The following MGAT5 variants were observed in gnomAD, a reference collection of about 807,000 sequenced individuals.
The protein encoded by MGAT5 is alpha-1,6-mannosylglycoprotein 6-beta-N-acetylglucosaminyltransferase.
MGAT5 carries 30 observed loss-of-function variants against 94.3 expected under a neutral mutation model. The ratio of observed to expected loss-of-function variants is 0.32; its 90% CI spans 0.24 to 0.43. The LOEUF is 0.43. Among genes scored for constraint, MGAT5 ranks in the 20% least tolerant of loss-of-function variants. MGAT5 has a pLI of 1.00. For synonymous variants in MGAT5, 310 were observed against 322.9 expected (o/e 0.96, Z 0.43); for missense variants, 691 against 905.5 (o/e 0.76, Z 3.04).
intron 2 of MGAT5, among the ~76,000 whole-genome samples, chr2:134,310,718 G>A (rs1332120665): frequency 6.6e-6 from 1 of 152,148 alleles, no homozygotes; most frequent in African/African-American, 2.4e-5. Context: ...TTTTTATGGT[G>A]CAAAAGTAAA....
chr2:134,336,373 A>G (rs1688330701), intron 5 of MGAT5, 85 bp downstream of exon 5: 2 of 1,126,486 alleles, frequency 1.8e-6, no homozygotes, highest in Admixed American at 1.9e-5. Context: ...TAGAAATGCC[A>G]ACTATAACCT....
intron 1 of MGAT5, among the ~76,000 whole-genome samples, chr2:134,259,566 A>G (rs941736404): frequency 6.6e-6 from 1 of 152,134 alleles, no homozygotes; most frequent in Non-Finnish European, 1.5e-5. Context: ...GCTCAGGCTC[A>G]AGCAGCTGTG....
intron 9 of MGAT5, among the ~76,000 whole-genome samples, chr2:134,359,704 C>CA (rs987914984): frequency 1.3e-5 from 2 of 152,078 alleles, no homozygotes; most frequent in African/African-American, 4.8e-5. Flanking sequence ...TAAGGCAGAG[C>CA]AAAAAAGAAA....
chr2:134,286,760 C>T (rs1685035128), intron 2 of MGAT5, among the ~76,000 whole-genome samples: 1 of 152,168 alleles, frequency 6.6e-6, no homozygotes, highest in African/African-American at 2.4e-5. Context: ...TCTGCCTTCC[C>T]ACTTGAATGA....
At chr2:134,336,507 C>T (rs992687978) in intron 5 of MGAT5, among the ~76,000 whole-genome samples, 19 of 152,068 alleles carry the variant, frequency 1.2e-4, no homozygotes, top group Non-Finnish European at 4.4e-5. Flanking sequence ...GAATGATAGG[C>T]TACTGATATG....
chr2:134,223,242 G>A (rs1038502884), intron 1 of MGAT5, among the ~76,000 whole-genome samples: 2 of 152,064 alleles, frequency 1.3e-5, no homozygotes, highest in Non-Finnish European at 2.9e-5. Flanking sequence ...GTTTGATCTT[G>A]TCCTAATTTT....
At chr2:134,135,476 G>A (rs1458510091) in intron 1 of MGAT5, among the ~76,000 whole-genome samples, 1 of 151,562 alleles carries the variant, frequency 6.6e-6, no homozygotes, top group African/African-American at 2.4e-5. Context: ...GGCGGATCAC[G>A]AGGTCAAGAG....
At chr2:134,265,025 C>T (rs1486351093) in intron 1 of MGAT5, among the ~76,000 whole-genome samples, 4 of 152,210 alleles carry the variant, frequency 2.6e-5, no homozygotes, top group Non-Finnish European at 4.4e-5. Context: ...TAATCCTTGA[C>T]GGACTCTGCA....
At chr2:134,400,537 C>G (rs926019736) in intron 10 of MGAT5, among the ~76,000 whole-genome samples, 3 of 152,088 alleles carry the variant, frequency 2.0e-5, no homozygotes, top group Admixed American at 6.5e-5. Context: ...GAAACCCCAG[C>G]CTTTTCTGGG....
chr2:134,361,510 A>T (rs1467883401), intron 9 of MGAT5, among the ~76,000 whole-genome samples: 2 of 152,172 alleles, frequency 1.3e-5, no homozygotes, highest in Non-Finnish European at 2.9e-5. Context: ...CAAGATGCGG[A>T]TGTTTGGAGA....
chr2:134,293,038 A>T lies in MGAT5; in HGVS notation c.406+22488A>T, dbSNP rs144321474. Among the ~76,000 whole-genome samples the T allele has an allele frequency of 2.9e-3, 446 of 152,350 alleles. 2 individuals carry two copies. The highest frequency in any genetic ancestry group is 9.6e-3 in the African/African-American group (400 of 41,580). On this transcript the variant is annotated intron_variant, in intron 2 of 15. Coordinates refer to ENST00000281923, the MANE Select transcript of MGAT5 (RefSeq NM_002410.5). ...TCACTGGGAAAAATAGCTAGCAAGC[A>T]TGCCTCCAGGGAGTGTGGGTCCTTA...
chr2:134,368,384 G>C (rs1680567838), intron 10 of MGAT5, among the ~76,000 whole-genome samples: 1 of 152,222 alleles, frequency 6.6e-6, no homozygotes, highest in African/African-American at 2.4e-5. Flanking sequence ...CCAGACCCTA[G>C]GGCCTGATGT....
At chr2:134,377,116 T>C (rs948753039) in intron 10 of MGAT5, among the ~76,000 whole-genome samples, 3 of 152,228 alleles carry the variant, frequency 2.0e-5, no homozygotes, top group African/African-American at 7.2e-5. Context: ...TTTGGATAAA[T>C]TAAAAGTGTG....
chr2:134,156,102 G>A (rs1335764156), intron 1 of MGAT5, among the ~76,000 whole-genome samples: 2 of 152,142 alleles, frequency 1.3e-5, no homozygotes, highest in Non-Finnish European at 2.9e-5. Flanking sequence ...CGCAGGCCTG[G>A]CCTCTACTGC....
chr2:134,161,494 C>T (rs768271358), intron 1 of MGAT5, among the ~76,000 whole-genome samples: 54 of 152,320 alleles, frequency 3.5e-4, no homozygotes, highest in Middle Eastern at 6.8e-3. Flanking sequence ...CTCCCAGGGC[C>T]CTGGACTCTG....
chr2:134,195,879 G>A (rs1474330848), intron 1 of MGAT5, among the ~76,000 whole-genome samples: 1 of 152,186 alleles, frequency 6.6e-6, no homozygotes, highest in Non-Finnish European at 1.5e-5. Context: ...AGAATGTACT[G>A]GAAGACCAGA....
At chr2:134,385,675 C>T (rs1038252542) in intron 10 of MGAT5, among the ~76,000 whole-genome samples, 1 of 152,090 alleles carries the variant, frequency 6.6e-6, no homozygotes, top group Non-Finnish European at 1.5e-5. Flanking sequence ...TTAAAAGGTA[C>T]ACACGTAAGG....
intron 1 of MGAT5, among the ~76,000 whole-genome samples, chr2:134,248,699 AATG>A (rs1682421017): frequency 8.3e-6 from 1 of 119,982 alleles, no homozygotes; most frequent in South Asian, 2.7e-4. Flanking sequence ...TGAATGTGTG[AATG>A]TGGCGCATGG....
intron 13 of MGAT5, among the ~76,000 whole-genome samples, chr2:134,424,435 A>C (rs1684466623): frequency 6.6e-6 from 1 of 152,186 alleles, no homozygotes. Flanking sequence ...ATACAATCCC[A>C]ATCCCAGTTT....
Sources: allele counts gnomAD v4.1 joint callset (sites outside exome capture counted in the v4.1 genomes callset), GRCh38; gene constraint gnomAD v4.1.1; transcripts MANE v1.5; gene names NCBI Gene and HGNC (gene_info 2026-07-23, HGNC 2026-07-21).